The following CTNNA2 variants were observed in gnomAD, a reference collection of about 807,000 sequenced individuals.
CTNNA2 encodes the protein catenin alpha 2, also known as catenin alpha-2.
Under a neutral mutation model 101.0 loss-of-function variants are expected in CTNNA2, and 42 were observed. That is an observed-to-expected ratio of 0.42 (90% CI 0.32 to 0.54). The LOEUF (loss-of-function observed/expected upper bound fraction) is 0.54, where lower values mean the gene tolerates loss of function less well. Ranked by LOEUF, CTNNA2 falls within the 20% of genes least tolerant of loss-of-function variation. CTNNA2 has a pLI of 0.14. For missense variants in CTNNA2, 871 were observed against 1,223.1 expected, an observed-to-expected ratio of 0.71 and a Z score of 4.29; for synonymous variants, 450 against 456.4, an observed-to-expected ratio of 0.99 and a Z score of 0.18.
chr2:80,597,160 C>T (rs939045537), intron 15 of CTNNA2, among the ~76,000 whole-genome samples: 7 of 151,916 alleles, frequency 4.6e-5, no homozygotes, highest in East Asian at 1.9e-4. Context: ...ATATTGGCCT[C>T]GACAACCATC....
At position 79,643,045 on chromosome 2, in the gene CTNNA2, G is replaced by T. The variant is rs534281720; in HGVS notation, c.-5-8507G>T. On this transcript the variant is annotated intron_variant, in intron 1 of 18. Coordinates refer to ENST00000402739, the MANE Select transcript of CTNNA2 (RefSeq NM_001282597.3). ...GCCTCTACTAAAAATACAAAAATTA[G>T]CTGGGCATGGTGGCACACGCCTGTA... Among the ~76,000 whole-genome samples, 3 of 152,160 alleles carry T rather than the reference G, an allele frequency of 2.0e-5. No homozygotes were observed. In the South Asian group the frequency reaches 6.2e-4, roughly 32 times the overall value.
chr2:80,438,175 G>T (rs573447282), intron 9 of CTNNA2, among the ~76,000 whole-genome samples: 1 of 152,122 alleles, frequency 6.6e-6, no homozygotes, highest in Admixed American at 6.6e-5. Context: ...CGGCGCCCTC[G>T]CATGGTCTTT....
intron 9 of CTNNA2, among the ~76,000 whole-genome samples, chr2:80,437,141 C>G (rs981963482): frequency 6.6e-6 from 1 of 152,144 alleles, no homozygotes; most frequent in Non-Finnish European, 1.5e-5. Flanking sequence ...ATCTGCTGGT[C>G]CCTTGATCTT....
At chr2:79,397,240 T>C (rs1348654769) in intron 4 of CTNNA2, among the ~76,000 whole-genome samples, 1 of 152,188 alleles carries the variant, frequency 6.6e-6, no homozygotes, top group East Asian at 1.9e-4. Flanking sequence ...AATTCTCATG[T>C]AATTATTTTG....
intron 9 of CTNNA2, among the ~76,000 whole-genome samples, chr2:80,518,453 C>A (rs1689270580): frequency 6.6e-6 from 1 of 152,144 alleles, no homozygotes; most frequent in Non-Finnish European, 1.5e-5. Context: ...GATGATACCC[C>A]TGCCCCAACA....
At chr2:80,625,794 C>A (rs1671622003) in intron 18 of CTNNA2, among the ~76,000 whole-genome samples, 2 of 151,998 alleles carry the variant, frequency 1.3e-5, no homozygotes, top group South Asian at 4.1e-4. Context: ...TATGTGAAAG[C>A]ATCTGACTTC....
At chr2:79,461,751 T>C (rs1242767825) in intron 4 of CTNNA2, among the ~76,000 whole-genome samples, 1 of 151,872 alleles carries the variant, frequency 6.6e-6, no homozygotes, top group Non-Finnish European at 1.5e-5. Flanking sequence ...AAAACACAGA[T>C]ATGAAATAAA....
At position 80,452,279 on chromosome 2, in the gene CTNNA2, A is replaced by T. The variant is rs76762261; in HGVS notation, c.1290+32678A>T. On this transcript the variant is annotated intron_variant, in intron 9 of 18. Coordinates refer to ENST00000402739, the MANE Select transcript of CTNNA2 (RefSeq NM_001282597.3). The stretch of plus-strand genomic sequence containing the variant: ...TGTGATATACTGTGGATCTCAGTTC[A>T]TCCATCCATTTATTCAATCAACAAA... Among the ~76,000 whole-genome samples the T allele has an allele frequency of 1.6e-3, 239 of 151,646 alleles. 16 individuals carry two copies. The highest frequency in any genetic ancestry group is 5.6e-3 in the African/African-American group (231 of 40,940).
At chr2:79,632,196 T>C (rs1679739905) in intron 1 of CTNNA2, among the ~76,000 whole-genome samples, 1 of 152,130 alleles carries the variant, frequency 6.6e-6, no homozygotes, top group Admixed American at 6.6e-5. Context: ...TCATTATTTA[T>C]AAATACTGCT....
intron 1 of CTNNA2, among the ~76,000 whole-genome samples, chr2:79,552,475 A>G (rs1208885052): frequency 6.6e-6 from 1 of 152,100 alleles, no homozygotes; most frequent in Non-Finnish European, 1.5e-5. Flanking sequence ...CCCTCTTCTC[A>G]CAGCTCCACT....
intron 3 of CTNNA2, among the ~76,000 whole-genome samples, chr2:79,775,276 G>C (rs2105167293): frequency 6.6e-6 from 1 of 152,202 alleles, no homozygotes; most frequent in South Asian, 2.1e-4. Flanking sequence ...ATGGACAGCT[G>C]TATGTCTACT....
At chr2:79,778,606 C>T (rs1019233970) in intron 3 of CTNNA2, among the ~76,000 whole-genome samples, 2 of 152,032 alleles carry the variant, frequency 1.3e-5, no homozygotes, top group Non-Finnish European at 2.9e-5. Context: ...TACATATATA[C>T]ACACATATAT....
intron 14 of CTNNA2, among the ~76,000 whole-genome samples, chr2:80,585,916 C>G (rs17019433): frequency 0.028 from 4,216 of 152,236 alleles, 181 homozygotes; most frequent in African/African-American, 0.094. Context: ...TGGAAAGATG[C>G]TTTCACCCAA....
chr2:79,415,735 A>T (rs1416343638), intron 4 of CTNNA2, among the ~76,000 whole-genome samples: 2 of 152,030 alleles, frequency 1.3e-5, no homozygotes, highest in Non-Finnish European at 2.9e-5. Context: ...TGGAAGCAAA[A>T]CTGTGCTTAA....
At chr2:79,494,836 C>T (rs1186565238) in intron 4 of CTNNA2, among the ~76,000 whole-genome samples, 1 of 151,940 alleles carries the variant, frequency 6.6e-6, no homozygotes, top group African/African-American at 2.4e-5. Flanking sequence ...TTTGGCAGGG[C>T]GTGGTGGCTC....
chr2:80,410,084 G>A (rs1559085914), intron 8 of CTNNA2, among the ~76,000 whole-genome samples: 1 of 152,128 alleles, frequency 6.6e-6, no homozygotes, highest in Admixed American at 6.5e-5. Flanking sequence ...ATTGTCTTTT[G>A]CAGGGAGCTG....
At chr2:79,626,619 ATGTGTGTGTGTGTGTGTG>A (rs71867416) in intron 1 of CTNNA2, among the ~76,000 whole-genome samples, 6,766 of 142,486 alleles carry the variant, frequency 0.047, 212 homozygotes, top group Non-Finnish European at 0.066. Context: ...GTGTGTGTGT[ATGTGTGTGTGTGTGTGTG>A]TGTGTGTGTG....
chr2:79,528,978 T>C (rs184405403), intron 1 of CTNNA2, among the ~76,000 whole-genome samples: 26 of 152,238 alleles, frequency 1.7e-4, no homozygotes, highest in African/African-American at 6.3e-4. Flanking sequence ...TTGGAAGTTA[T>C]AGGTAGCAGT....
At chr2:79,597,930 C>T (rs756563445) in intron 1 of CTNNA2, among the ~76,000 whole-genome samples, 1 of 152,136 alleles carries the variant, frequency 6.6e-6, no homozygotes, top group South Asian at 2.1e-4. Context: ...TTTAAAAATC[C>T]TTTGTGCTCC....
Sources: allele counts gnomAD v4.1 joint callset (sites outside exome capture counted in the v4.1 genomes callset), GRCh38; gene constraint gnomAD v4.1.1; transcripts MANE v1.5; gene names NCBI Gene and HGNC (gene_info 2026-07-23, HGNC 2026-07-21).